PCDH9: variants seen among roughly 807,000 people sequenced by gnomAD.
The protein encoded by PCDH9 is protocadherin-9.
PCDH9 carries 24 observed loss-of-function variants against 70.6 expected under a neutral mutation model. The ratio of observed to expected loss-of-function variants is 0.34; its 90% CI spans 0.25 to 0.48. The LOEUF (loss-of-function observed/expected upper bound fraction) is 0.48, where lower values mean the gene tolerates loss of function less well. PCDH9 is among the 20% of genes least tolerant of loss of function. The pLI is 0.99. For synonymous variants in PCDH9, 562 were observed against 558.5 expected, an observed-to-expected ratio of 1.01 and a Z score of -0.09; for missense variants, 1,281 against 1,503.6, an observed-to-expected ratio of 0.85 and a Z score of 2.45.
intron 2 of PCDH9, among the ~76,000 whole-genome samples, chr13:67,120,076 A>C (rs1044254870): frequency 7.9e-5 from 12 of 151,906 alleles, no homozygotes; most frequent in Non-Finnish European, 1.2e-4. Flanking sequence ...AATATATTGA[A>C]ATTTCTGAAG....
intron 2 of PCDH9, among the ~76,000 whole-genome samples, chr13:67,194,412 C>CA (rs879534983): frequency 3.3e-5 from 5 of 149,344 alleles, no homozygotes; most frequent in East Asian, 2.0e-4. Flanking sequence ...AATGACTCTT[C>CA]AAAAAAAACT....
chr13:67,010,465 G>A (rs1160278977), intron 2 of PCDH9, among the ~76,000 whole-genome samples: 4 of 151,982 alleles, frequency 2.6e-5, no homozygotes, highest in Non-Finnish European at 5.9e-5. Flanking sequence ...CTTAGCTACA[G>A]CACAACAGCA....
intron 2 of PCDH9, among the ~76,000 whole-genome samples, chr13:67,002,403 G>A (rs916622740): frequency 6.6e-6 from 1 of 151,742 alleles, no homozygotes; most frequent in Non-Finnish European, 1.5e-5. Context: ...AGGCATATAC[G>A]TGATATTGTA....
At chr13:67,205,858 A>G (rs1049521582) in intron 2 of PCDH9, 17 of 152,342 alleles carry the variant, frequency 1.1e-4, no homozygotes, top group East Asian at 7.7e-4. Context: ...ATTTTACTAT[A>G]TAACTGAAAT....
chr13:66,791,948 T>C (rs1323231571), intron 3 of PCDH9, among the ~76,000 whole-genome samples: 2 of 152,160 alleles, frequency 1.3e-5, no homozygotes, highest in East Asian at 1.9e-4. Flanking sequence ...AGTCAATACA[T>C]AGTTATTCCA....
intron 4 of PCDH9, among the ~76,000 whole-genome samples, chr13:66,488,838 C>A (rs992443872): frequency 6.6e-6 from 1 of 152,018 alleles, no homozygotes; most frequent in African/African-American, 2.4e-5. Context: ...AAAATTGAAT[C>A]TCTATATTGC....
chr13:66,775,220 T>A (rs768428611), intron 3 of PCDH9, among the ~76,000 whole-genome samples: 1 of 152,232 alleles, frequency 6.6e-6, no homozygotes, highest in African/African-American at 2.4e-5. Flanking sequence ...TTAGGAAGCA[T>A]GTAGTAAAAT....
rs535329795 is a variant in PCDH9 at position 66,629,398 on chromosome 13, G to A, written c.3340+1812C>T. Among the ~76,000 whole-genome samples the A allele has an allele frequency of 3.9e-5, 6 of 152,304 alleles. No homozygotes were observed. In the South Asian group the frequency reaches 1.2e-3, roughly 32 times the overall value. ...CAACAAGAGATGTTTTAAAATTGGA[G>A]AGGGCAAAGTTGGAGACTAGGAAAA... On this transcript the variant is annotated intron_variant, in intron 4 of 4. Transcript: ENST00000377865.
At chr13:66,358,180 A>C (rs1043822465) in intron 4 of PCDH9, among the ~76,000 whole-genome samples, 8 of 152,150 alleles carry the variant, frequency 5.3e-5, no homozygotes, top group African/African-American at 1.9e-4. Flanking sequence ...AACAATATGC[A>C]GTAAATTATT....
chr13:66,362,839 T>A (rs115527610), intron 4 of PCDH9, among the ~76,000 whole-genome samples: 158 of 152,262 alleles, frequency 1.0e-3, no homozygotes, highest in African/African-American at 3.7e-3. Context: ...ATGAGCAACA[T>A]CTTACACAAG....
At chr13:66,492,892 G>C (rs964942652) in intron 4 of PCDH9, among the ~76,000 whole-genome samples, 1 of 152,114 alleles carries the variant, frequency 6.6e-6, no homozygotes, top group Admixed American at 6.6e-5. Flanking sequence ...CAAAGAAAAG[G>C]TGAGCAAGCT....
At chr13:66,870,548 A>C (rs548214535) in intron 3 of PCDH9, among the ~76,000 whole-genome samples, 47 of 152,308 alleles carry the variant, frequency 3.1e-4, no homozygotes, top group African/African-American at 1.1e-3. Context: ...CAAGAAAAAA[A>C]CAAACAACCC....
intron 2 of PCDH9, among the ~76,000 whole-genome samples, chr13:67,104,993 T>TTTCC (rs1240299627): frequency 6.6e-6 from 1 of 152,186 alleles, no homozygotes; most frequent in African/African-American, 2.4e-5. Flanking sequence ...TACAGGATCA[T>TTTCC]TGTACTCTTG....
chr13:67,093,048 C>A (rs1162601559), intron 2 of PCDH9, among the ~76,000 whole-genome samples: 1 of 152,048 alleles, frequency 6.6e-6, no homozygotes, highest in Non-Finnish European at 1.5e-5. Flanking sequence ...AATATTTTGA[C>A]CTCCAAAAGA....
intron 2 of PCDH9, among the ~76,000 whole-genome samples, chr13:67,166,700 T>C (rs1430519368): frequency 2.0e-5 from 3 of 152,150 alleles, no homozygotes; most frequent in Non-Finnish European, 2.9e-5. Context: ...TGTTATATTA[T>C]TACGGTGGTA....
intron 2 of PCDH9, among the ~76,000 whole-genome samples, chr13:66,949,265 G>A (rs1490470563): frequency 6.6e-6 from 1 of 152,078 alleles, no homozygotes; most frequent in Non-Finnish European, 1.5e-5. Flanking sequence ...TTCATCCTGT[G>A]ACAGCTGAAT....
intron 3 of PCDH9, among the ~76,000 whole-genome samples, chr13:66,791,638 A>C (rs2080165767): frequency 1.3e-5 from 2 of 152,140 alleles, no homozygotes; most frequent in Non-Finnish European, 2.9e-5. Context: ...CATGTAAATA[A>C]TGTAGTAATG....
At chr13:66,893,804 T>G (rs2082132791) in intron 3 of PCDH9, among the ~76,000 whole-genome samples, 1 of 152,176 alleles carries the variant, frequency 6.6e-6, no homozygotes, top group South Asian at 2.1e-4. Context: ...TGCCATTGTT[T>G]CCTCATGCTA....
intron 3 of PCDH9, among the ~76,000 whole-genome samples, chr13:66,754,386 T>C (rs1456608461): frequency 6.6e-6 from 1 of 150,624 alleles, no homozygotes; most frequent in East Asian, 1.9e-4. Flanking sequence ...CAAAATAAAA[T>C]AAATAAAATA....
Sources: allele counts gnomAD v4.1 joint callset (sites outside exome capture counted in the v4.1 genomes callset), GRCh38; gene constraint gnomAD v4.1.1; transcripts MANE v1.5; gene names NCBI Gene and HGNC (gene_info 2026-07-23, HGNC 2026-07-21).